PGR: variants seen among roughly 807,000 people sequenced by gnomAD.
The protein encoded by PGR is progesterone receptor, also known as nuclear receptor subfamily 3 group C member 3.
A neutral mutation model predicts 76.1 loss-of-function variants in PGR; 25 were observed. That is an observed-to-expected ratio of 0.33 (90% CI 0.24 to 0.46). PGR has a LOEUF of 0.46. Among genes scored for constraint, PGR ranks in the 20% least tolerant of loss-of-function variants. PGR has a pLI of 1.00. For missense variants in PGR, 1,172 were observed against 1,225.3 expected (o/e 0.96, Z 0.65); for synonymous variants, 579 against 535.0 (o/e 1.08, Z -1.14).
At chr11:101,052,736 T>C (rs987335445) in intron 4 of PGR, among the ~76,000 whole-genome samples, 2 of 151,974 alleles carry the variant, frequency 1.3e-5, no homozygotes, top group Non-Finnish European at 2.9e-5. Flanking sequence ...AGTCAACACA[T>C]TGGAATTAAG....
At chr11:101,108,572 T>C (rs866403227) in intron 2 of PGR, among the ~76,000 whole-genome samples, 14 of 152,332 alleles carry the variant, frequency 9.2e-5, no homozygotes, top group Middle Eastern at 3.4e-3. Context: ...GTTGCTAATA[T>C]CATCTCGTGC....
intron 2 of PGR, among the ~76,000 whole-genome samples, chr11:101,097,199 C>A (rs892507405): frequency 6.6e-6 from 1 of 152,168 alleles, no homozygotes. Flanking sequence ...TAATCACATA[C>A]TCTTTCCCAT....
intron 3 of PGR, among the ~76,000 whole-genome samples, chr11:101,079,712 A>T (rs1861237488): frequency 6.6e-6 from 1 of 152,226 alleles, no homozygotes; most frequent in Non-Finnish European, 1.5e-5. Flanking sequence ...AGGTTCCTAA[A>T]ACTAAAAACA....
intron 4 of PGR, among the ~76,000 whole-genome samples, chr11:101,060,405 T>C (rs1195282613): frequency 6.6e-6 from 1 of 152,214 alleles, no homozygotes; most frequent in African/African-American, 2.4e-5. Context: ...GAGCCCAGCC[T>C]TGTGGCTTTT....
Position 101,030,228 on chromosome 11 carries a change from T to C in PGR, c.*8888A>G, listed in dbSNP as rs970314624. On this transcript the variant is annotated 3_prime_UTR_variant, in exon 8 of 8. Coordinates refer to ENST00000325455, the MANE Select transcript of PGR (RefSeq NM_000926.4). Reference sequence around the variant, plus strand: ...TGCATCTCTTGCCAAGTATTAACACTAGTTTTACTAATAAGCAACGGGGTA... The same window carrying C: ...TGCATCTCTTGCCAAGTATTAACACCAGTTTTACTAATAAGCAACGGGGTA... 4.5e-6 allele frequency: 1 copy of C among 222,856 alleles called. No homozygotes were observed. Among genetic ancestry groups the C allele is most frequent in the Non-Finnish European group, 9.0e-6 (1 of 111,634 alleles). The allele number at this position is 222,856 out of a possible 1,614,324, so 13.8% of individuals were successfully genotyped here.
chr11:101,072,591 G>T (rs1356953607), intron 3 of PGR, among the ~76,000 whole-genome samples: 1 of 152,070 alleles, frequency 6.6e-6, no homozygotes, highest in African/African-American at 2.4e-5. Context: ...CCATCTCACA[G>T]GCAGAGACAC....
rs140379334 is a variant in PGR at position 101,035,320 on chromosome 11, T to C, written c.*3796A>G. 3,018 of 230,126 alleles carry C rather than the reference T, an allele frequency of 0.013. 22 individuals carry two copies. The highest frequency in any genetic ancestry group is 0.017 in the Non-Finnish European group (1,940 of 116,084). The allele number at this position is 230,126 out of a possible 1,614,324, so 14.3% of individuals were successfully genotyped here. On this transcript the variant is annotated 3_prime_UTR_variant, in exon 8 of 8. Coordinates refer to ENST00000325455, the MANE Select transcript of PGR (RefSeq NM_000926.4). ...GTAAAAGTTTTTAAAATGATTCATATTCTATCCTGACTTCTGATGTGTGAA... is the reference window on the plus strand; with the variant it reads ...GTAAAAGTTTTTAAAATGATTCATACTCTATCCTGACTTCTGATGTGTGAA...
intron 2 of PGR, among the ~76,000 whole-genome samples, chr11:101,119,590 T>C (rs1862611676): frequency 6.6e-6 from 1 of 152,186 alleles, no homozygotes; most frequent in Admixed American, 6.5e-5. Context: ...AATACTTGAT[T>C]GAGATCTAAG....
At chr11:101,090,394 C>G (rs752378677) in intron 3 of PGR, among the ~76,000 whole-genome samples, 2 of 152,224 alleles carry the variant, frequency 1.3e-5, no homozygotes, top group Admixed American at 6.5e-5. Context: ...TAAGTGTCAG[C>G]ATTAGATGCT....
chr11:101,048,203 C>T (rs1367182087), intron 6 of PGR, among the ~76,000 whole-genome samples: 1 of 152,078 alleles, frequency 6.6e-6, no homozygotes, highest in Non-Finnish European at 1.5e-5. Context: ...TATTAAGATG[C>T]TAATCTTTAT....
At chr11:101,102,629 G>T (rs554667967) in intron 2 of PGR, among the ~76,000 whole-genome samples, 1 of 152,194 alleles carries the variant, frequency 6.6e-6, no homozygotes, top group South Asian at 2.1e-4. Flanking sequence ...AAGATCCAAG[G>T]ATTTTTGATA....
At chr11:101,114,461 G>C (rs1005088693) in intron 2 of PGR, among the ~76,000 whole-genome samples, 5 of 152,224 alleles carry the variant, frequency 3.3e-5, no homozygotes, top group African/African-American at 9.6e-5. Flanking sequence ...TCCTGCTGAG[G>C]ACATTATGTA....
Position 101,062,623 on chromosome 11 carries a change from T to C in PGR, c.2036A>G (p.Gln679Arg). The C allele has an allele frequency of 6.2e-7, 1 of 1,614,058 alleles. No homozygotes were observed. The highest frequency in any genetic ancestry group is 8.5e-7 in the Non-Finnish European group (1 of 1,179,932). Reference protein sequence around the residue: ...LSQRFTFSPGQDIQLIPPLIN... With the variant: ...LSQRFTFSPGRDIQLIPPLIN... ...CAGTGGTGGAATCAACTGTATGTCT[T>C]GACCTGGTGAAAAAGTGAATCTCTG... The change falls in exon 4 of 8, where the codon CAA becomes CGA. Residue 679 changes from glutamine (Q) to arginine (R), a missense_variant. Physicochemically the swap from Gln to Arg is conservative, Grantham distance 43. This residue lies in a region of PGR where 73 missense variants were observed against 60.7 expected (regional missense o/e 1.20). Transcript: ENST00000325455.
intron 7 of PGR, among the ~76,000 whole-genome samples, chr11:101,040,510 A>T (rs758220726): frequency 2.0e-5 from 3 of 152,010 alleles, no homozygotes; most frequent in African/African-American, 7.2e-5. Context: ...TACTTGTTTG[A>T]TGGTTTGGCT....
chr11:101,067,274 G>C (rs1395974425), intron 3 of PGR, among the ~76,000 whole-genome samples: 1 of 152,002 alleles, frequency 6.6e-6, no homozygotes, highest in Non-Finnish European at 1.5e-5. Context: ...CTATCCTATA[G>C]ATATTTATAA....
At chr11:101,070,626 G>A (rs919971145) in intron 3 of PGR, among the ~76,000 whole-genome samples, 3 of 152,154 alleles carry the variant, frequency 2.0e-5, no homozygotes, top group South Asian at 2.1e-4. Flanking sequence ...TGGGACGCTG[G>A]AGCATGGTGG....
Position 101,127,170 on chromosome 11 carries a change from AAAAC to A in PGR, c.1637+260_1637+263del, listed in dbSNP as rs1862865536. ...GAATCTGGAAGATTCGGAAAGTTAA[AAAAC>A]AAACAAAAAAACAGCTTTCAGGGAG... On this transcript the variant is annotated intron_variant, in intron 1 of 7. Coordinates refer to ENST00000325455, the MANE Select transcript of PGR (RefSeq NM_000926.4). 6 of 301,022 alleles carry A rather than the reference AAAAC, an allele frequency of 2.0e-5. No individual in the cohort carries two copies. In the South Asian group the frequency reaches 4.0e-4, roughly 20 times the overall value. 18.6% of individuals were successfully genotyped at this position (301,022 alleles called of 1,614,324 possible).
At chr11:101,103,256 C>T (rs932448388) in intron 2 of PGR, among the ~76,000 whole-genome samples, 4 of 151,998 alleles carry the variant, frequency 2.6e-5, no homozygotes, top group African/African-American at 7.2e-5. Flanking sequence ...TAATAAAGTG[C>T]GTGGAAATTC....
chr11:101,095,068 A>C (rs1213238176), intron 2 of PGR, among the ~76,000 whole-genome samples: 1 of 152,218 alleles, frequency 6.6e-6, no homozygotes, highest in Non-Finnish European at 1.5e-5. Context: ...TTTATAAACT[A>C]CCCAGTCTAA....
Sources: allele counts gnomAD v4.1 joint callset (sites outside exome capture counted in the v4.1 genomes callset), GRCh38; gene constraint gnomAD v4.1.1; regional missense constraint gnomAD v4.1.1; transcripts MANE v1.5; gene names NCBI Gene and HGNC (gene_info 2026-07-23, HGNC 2026-07-21).